NRP1: variants seen among roughly 807,000 people sequenced by gnomAD.
The protein encoded by NRP1 is neuropilin-1.
In NRP1, 35 loss-of-function variants were observed where a neutral mutation model predicts 106.7. That is an observed-to-expected ratio of 0.33 (90% CI 0.25 to 0.43). The LOEUF (loss-of-function observed/expected upper bound fraction) is 0.43. Ranked by LOEUF, NRP1 falls within the 20% of genes least tolerant of loss-of-function variation. The pLI is 1.00. For synonymous variants in NRP1, 437 were observed against 417.9 expected (o/e 1.05, Z -0.56); for missense variants, 1,024 against 1,170.4 (o/e 0.87, Z 1.83).
intron 2 of NRP1, among the ~76,000 whole-genome samples, chr10:33,284,615 T>C (rs1844382457): frequency 1.3e-5 from 2 of 152,244 alleles, no homozygotes; most frequent in African/African-American, 2.4e-5. Context: ...CATATTATTG[T>C]TTTCATCACT....
chr10:33,184,440 T>G (rs1245508527), intron 15 of NRP1, among the ~76,000 whole-genome samples: 3 of 152,274 alleles, frequency 2.0e-5, no homozygotes, highest in Non-Finnish European at 4.4e-5. Context: ...TTCGTTTCTT[T>G]GTTTTAGTCT....
In NRP1 at chr10:33,207,635, G is replaced by T. The variant is rs1389697580; in HGVS notation, c.1696C>A (p.Pro566Thr). The T allele has an allele frequency of 8.7e-6, 14 of 1,614,050 alleles. No homozygotes were observed. Among genetic ancestry groups the T allele is most frequent in the Non-Finnish European group, 1.1e-5 (13 of 1,180,026 alleles). Residue 566 changes from proline (P) to threonine (T), a missense_variant, in exon 10 of 17, where the codon CCC (proline) becomes ACC (threonine). Physicochemically the swap from Pro to Thr is conservative, Grantham distance 38. This residue lies in a region of NRP1 where 562 missense variants were observed against 620.3 expected (regional missense o/e 0.91). Coordinates refer to ENST00000374867, the MANE Select transcript of NRP1 (RefSeq NM_003873.7). ...ALSTRFIRIY[P>T]ERATHGGLGL... Reference sequence around the variant, plus strand: ...AGTCCGCCATGAGTGGCTCTCTCGGGGTAGATCCTGATGAATCGCGTGGAG... The same window carrying T: ...AGTCCGCCATGAGTGGCTCTCTCGGTGTAGATCCTGATGAATCGCGTGGAG...
At chr10:33,195,935 C>T (rs1836751798) in intron 12 of NRP1, among the ~76,000 whole-genome samples, 1 of 152,116 alleles carries the variant, frequency 6.6e-6, no homozygotes, top group East Asian at 1.9e-4. Flanking sequence ...AGCAACGGGT[C>T]CTACTGTTTG....
At chr10:33,262,483 T>C (rs1842638234) in intron 4 of NRP1, among the ~76,000 whole-genome samples, 1 of 151,828 alleles carries the variant, frequency 6.6e-6, no homozygotes, top group Non-Finnish European at 1.5e-5. Flanking sequence ...CAGGAGGATC[T>C]CTTGAGGTCA....
At chr10:33,268,851 T>A (rs1162239931) in intron 3 of NRP1, among the ~76,000 whole-genome samples, 3 of 152,224 alleles carry the variant, frequency 2.0e-5, no homozygotes, top group Non-Finnish European at 4.4e-5. Flanking sequence ...TATACTATTA[T>A]CTATACGAAA....
At chr10:33,244,917 C>T (rs759264534) in intron 6 of NRP1, among the ~76,000 whole-genome samples, 6 of 152,140 alleles carry the variant, frequency 3.9e-5, no homozygotes, top group African/African-American at 9.7e-5. Context: ...TAATCCCATC[C>T]TTATTAGTGC....
chr10:33,195,370 T>C, intron 12 of NRP1: 1 of 373,072 alleles, frequency 2.7e-6, no homozygotes, highest in Non-Finnish European at 5.3e-6. Flanking sequence ...CATCACTTGC[T>C]GGCAGAGCAT....
intron 2 of NRP1, among the ~76,000 whole-genome samples, chr10:33,311,621 T>C (rs1335353385): frequency 6.6e-6 from 1 of 152,202 alleles, no homozygotes; most frequent in Non-Finnish European, 1.5e-5. Context: ...TGAATGAATG[T>C]GGTAGTAAGC....
chr10:33,249,949 C>T (rs1728729115), intron 6 of NRP1, among the ~76,000 whole-genome samples: 1 of 151,890 alleles, frequency 6.6e-6, no homozygotes. Flanking sequence ...CAATGGGAAC[C>T]GAAGCTTGTT....
At chr10:33,241,379 T>A (rs977429257) in intron 6 of NRP1, among the ~76,000 whole-genome samples, 1 of 152,180 alleles carries the variant, frequency 6.6e-6, no homozygotes, top group Non-Finnish European at 1.5e-5. Context: ...CTCATGCATT[T>A]CAGCCAGGGT....
intron 6 of NRP1, among the ~76,000 whole-genome samples, chr10:33,227,964 GT>G (rs35317098): frequency 2.7e-5 from 4 of 150,754 alleles, no homozygotes; most frequent in Non-Finnish European, 4.4e-5. Flanking sequence ...AGTAGAGTAG[GT>G]TTTTTTTTCT....
At chr10:33,315,961 G>A (rs550511256) in intron 2 of NRP1, among the ~76,000 whole-genome samples, 2 of 152,196 alleles carry the variant, frequency 1.3e-5, no homozygotes, top group Non-Finnish European at 2.9e-5. Context: ...AGATAAGGGA[G>A]CCACAGGGGA....
chr10:33,266,956 C>A (rs932750591), intron 3 of NRP1, among the ~76,000 whole-genome samples: 1 of 152,090 alleles, frequency 6.6e-6, no homozygotes, highest in African/African-American at 2.4e-5. Context: ...GGCGTGAACC[C>A]GGGAGGCGGA....
At chr10:33,238,950 T>C (rs1421012821) in intron 6 of NRP1, among the ~76,000 whole-genome samples, 1 of 151,682 alleles carries the variant, frequency 6.6e-6, no homozygotes, top group Non-Finnish European at 1.5e-5. Context: ...CGCATAGTTT[T>C]GCCAGTAGTA....
intron 2 of NRP1, among the ~76,000 whole-genome samples, chr10:33,301,177 A>G (rs1845775672): frequency 6.6e-6 from 1 of 152,206 alleles, no homozygotes; most frequent in African/African-American, 2.4e-5. Flanking sequence ...CCTGCAGTCC[A>G]GAGGAGCAGA....
At chr10:33,330,535 G>A (rs1229095936) in intron 2 of NRP1, among the ~76,000 whole-genome samples, 173 bp downstream of exon 2, 1 of 152,174 alleles carries the variant, frequency 6.6e-6, no homozygotes, top group Admixed American at 6.5e-5. Context: ...GGGGAACTCA[G>A]AAATCACTTA....
chr10:33,209,974 C>T (rs1368979659), intron 9 of NRP1, among the ~76,000 whole-genome samples: 1 of 152,194 alleles, frequency 6.6e-6, no homozygotes, highest in Non-Finnish European at 1.5e-5. Context: ...TGTGTCAAGA[C>T]ATCATAAACC....
At chr10:33,244,494 T>C (rs1009581399) in intron 6 of NRP1, among the ~76,000 whole-genome samples, 10 of 152,204 alleles carry the variant, frequency 6.6e-5, no homozygotes, top group Non-Finnish European at 1.5e-4. Flanking sequence ...TAACAGAAGT[T>C]CTTTAAATTT....
chr10:33,233,994 A>G (rs981222630), intron 6 of NRP1, among the ~76,000 whole-genome samples: 1 of 152,136 alleles, frequency 6.6e-6, no homozygotes, highest in Non-Finnish European at 1.5e-5. Context: ...AGGATCCTGG[A>G]CTTCTTACTG....
Sources: allele counts gnomAD v4.1 joint callset (sites outside exome capture counted in the v4.1 genomes callset), GRCh38; gene constraint gnomAD v4.1.1; regional missense constraint gnomAD v4.1.1; transcripts MANE v1.5; gene names NCBI Gene and HGNC (gene_info 2026-07-23, HGNC 2026-07-21).